MAGI1: variants seen among roughly 807,000 people sequenced by gnomAD.
MAGI1 encodes membrane associated guanylate kinase, WW and PDZ domain containing 1, also known as membrane-associated guanylate kinase, WW and PDZ domain-containing protein 1.
MAGI1 carries 58 observed loss-of-function variants against 139.9 expected under a neutral mutation model. The ratio of observed to expected loss-of-function variants is 0.41; its 90% CI spans 0.34 to 0.52. The LOEUF (loss-of-function observed/expected upper bound fraction) is 0.52, where lower values mean the gene tolerates loss of function less well. MAGI1 is among the 20% of genes least tolerant of loss of function. MAGI1 has a pLI of 0.12. For synonymous variants in MAGI1, 812 were observed against 737.9 expected (o/e 1.10, Z -1.63); for missense variants, 1,874 against 1,901.6 (o/e 0.99, Z 0.27).
rs775587307 is a variant in MAGI1 at position 65,430,693 on chromosome 3, C to T, written c.1546+6G>A. On this transcript the variant is annotated splice_donor_region_variant and intron_variant, in intron 11 of 22. Transcript: ENST00000402939. The stretch of plus-strand genomic sequence containing the variant: ...ACAGAACACACTAAGGCCATGTTGA[C>T]GCTACCTGTTTCCATCTTGCCATCC... The T allele has an allele frequency of 7.4e-6, 12 of 1,612,650 alleles. No individual in the cohort carries two copies. Among genetic ancestry groups the T allele is most frequent in the Non-Finnish European group, 1.0e-5 (12 of 1,179,398 alleles).
chr3:65,621,472 T>C (rs570742982), intron 2 of MAGI1, among the ~76,000 whole-genome samples: 7 of 152,220 alleles, frequency 4.6e-5, no homozygotes, highest in Non-Finnish European at 1.0e-4. Flanking sequence ...TCCTGACTTA[T>C]GAATCTGATG....
chr3:66,001,936 C>T (rs2066762327), intron 1 of MAGI1, among the ~76,000 whole-genome samples: 1 of 152,156 alleles, frequency 6.6e-6, no homozygotes, highest in African/African-American at 2.4e-5. Flanking sequence ...CCAAACCTTC[C>T]CCTTGCCTCA....
chr3:66,021,636 G>A (rs1319619065), intron 1 of MAGI1, among the ~76,000 whole-genome samples: 1 of 152,086 alleles, frequency 6.6e-6, no homozygotes, highest in Admixed American at 6.6e-5. Context: ...TTTAAACACT[G>A]GATTCACAGA....
At chr3:65,871,855 T>C (rs931647650) in intron 1 of MAGI1, among the ~76,000 whole-genome samples, 3 of 152,230 alleles carry the variant, frequency 2.0e-5, no homozygotes, top group African/African-American at 7.2e-5. Flanking sequence ...TTGTCCCTTA[T>C]TGGAGCAGCC....
At chr3:65,879,718 G>A (rs186015695) in intron 1 of MAGI1, among the ~76,000 whole-genome samples, 3 of 152,276 alleles carry the variant, frequency 2.0e-5, no homozygotes, top group Non-Finnish European at 4.4e-5. Context: ...ACATAGAAAG[G>A]AGCAAAATGG....
At chr3:65,778,430 C>CAAAAAAAAAAAAAAAAAA (rs35399058) in intron 1 of MAGI1, among the ~76,000 whole-genome samples, 1 of 83,944 alleles carries the variant, frequency 1.2e-5, no homozygotes, top group South Asian at 3.5e-4. Flanking sequence ...AACTCTGTCT[C>CAAAAAAAAAAAAAAAAAA]AAAAAAAAAA....
At chr3:65,918,455 A>T (rs781110215) in intron 1 of MAGI1, among the ~76,000 whole-genome samples, 1 of 142,664 alleles carries the variant, frequency 7.0e-6, no homozygotes, top group African/African-American at 2.7e-5. Flanking sequence ...ATCTCGGCTC[A>T]CTGAAACCTC....
At chr3:65,505,439 G>C (rs926611559) in intron 2 of MAGI1, among the ~76,000 whole-genome samples, 7 of 150,684 alleles carry the variant, frequency 4.6e-5, no homozygotes, top group African/African-American at 1.5e-4. Context: ...TAGCTCACGA[G>C]TTCAAGACCA....
chr3:65,364,423 T>C (rs1941204821), intron 20 of MAGI1, among the ~76,000 whole-genome samples: 1 of 152,160 alleles, frequency 6.6e-6, no homozygotes, highest in African/African-American at 2.4e-5. Flanking sequence ...TGCCGATCCT[T>C]GTGACAATTA....
At chr3:65,857,304 A>G (rs1383071637) in intron 1 of MAGI1, among the ~76,000 whole-genome samples, 4 of 152,244 alleles carry the variant, frequency 2.6e-5, no homozygotes, top group Non-Finnish European at 5.9e-5. Flanking sequence ...ATCAAAACAC[A>G]GAAATGCTAC....
chr3:65,969,090 T>C (rs946045434), intron 1 of MAGI1, among the ~76,000 whole-genome samples: 1 of 152,226 alleles, frequency 6.6e-6, no homozygotes, highest in Non-Finnish European at 1.5e-5. Context: ...GTTATTATCA[T>C]ACTGAGGTCC....
chr3:65,475,887 A>C (rs1434403456), intron 4 of MAGI1, among the ~76,000 whole-genome samples: 1 of 151,984 alleles, frequency 6.6e-6, no homozygotes, highest in Non-Finnish European at 1.5e-5. Flanking sequence ...CCTTCTTCAA[A>C]ACACTCAAGC....
intron 7 of MAGI1, among the ~76,000 whole-genome samples, chr3:65,443,604 G>C (rs1360417452): frequency 6.6e-6 from 1 of 152,154 alleles, no homozygotes. Context: ...TAATAGTTCT[G>C]TCTGAACAAG....
intron 2 of MAGI1, among the ~76,000 whole-genome samples, chr3:65,546,324 T>A (rs929133453): frequency 2.6e-5 from 4 of 152,168 alleles, no homozygotes; most frequent in African/African-American, 9.7e-5. Context: ...ATATAAACAA[T>A]ACGTCATTAT....
rs139643995 is a variant in MAGI1, at chr3:65,722,432, G to A, written c.314-100344C>T. ...ACAGATCACTTAAGCCCAGGAGTCC[G>A]AGATCAGCCTTGGCAACATGGCAAA... On this transcript the variant is annotated intron_variant, in intron 1 of 22. Coordinates refer to ENST00000402939, the MANE Select transcript of MAGI1 (RefSeq NM_001033057.2). Among the ~76,000 whole-genome samples the A allele has an allele frequency of 4.4e-3, 668 of 151,686 alleles. 9 individuals are homozygous for A. The highest frequency in any genetic ancestry group is 0.015 in the African/African-American group (621 of 41,288).
chr3:65,766,407 G>A (rs370240775), intron 1 of MAGI1, among the ~76,000 whole-genome samples: 2 of 152,020 alleles, frequency 1.3e-5, no homozygotes, highest in African/African-American at 4.8e-5. Context: ...TTTCCAAAGA[G>A]GATGTGGATA....
intron 1 of MAGI1, among the ~76,000 whole-genome samples, chr3:65,679,129 T>C (rs571151802): frequency 8.3e-4 from 127 of 152,122 alleles, no homozygotes; most frequent in Non-Finnish European, 1.6e-3. Context: ...CAGTGAAGGT[T>C]TTCTGTTTAC....
intron 12 of MAGI1, 25 bp downstream of exon 12, chr3:65,429,495 C>A: frequency 6.5e-7 from 1 of 1,548,778 alleles, no homozygotes; most frequent in South Asian, 1.2e-5. Flanking sequence ...AAAAAAAATT[C>A]AAAGAACAAA....
rs1942848371 is a variant in MAGI1, at chr3:65,379,378, C to A, written c.2878G>T (p.Gly960Cys). 6.2e-7 allele frequency: 1 copy of A among 1,612,404 alleles called. No homozygotes were observed. ...GGCTGCACCACGGTGCTGACCACGC[C>A]GCTGCCCCCGCCGCCGCCACTGCCG... The part of the protein sequence containing the change: ...GIGSGGGGGS[G>C]VVSTVVQPYD... Residue 960 changes from glycine (G) to cysteine (C), a missense_variant, in exon 17 of 23, where the codon GGC becomes TGC. Gly to Cys is a radical substitution (Grantham distance 159). This residue lies in a region of MAGI1 where 482 missense variants were observed against 509.6 expected (regional missense o/e 0.95). Coordinates refer to ENST00000402939, the MANE Select transcript of MAGI1 (RefSeq NM_001033057.2).
Sources: allele counts gnomAD v4.1 joint callset (sites outside exome capture counted in the v4.1 genomes callset), GRCh38; gene constraint gnomAD v4.1.1; regional missense constraint gnomAD v4.1.1; transcripts MANE v1.5; gene names NCBI Gene and HGNC (gene_info 2026-07-23, HGNC 2026-07-21).